The following PPFIA2 variants were observed in gnomAD, a reference collection of about 807,000 sequenced individuals.
PPFIA2 encodes the protein PPFI scaffold protein A2.
In PPFIA2, 46 loss-of-function variants were observed where a neutral mutation model predicts 175.5. The observed-to-expected ratio is 0.26, with a 90% CI of 0.21 to 0.34. PPFIA2 has a LOEUF of 0.34. Ranked by LOEUF, PPFIA2 falls within the 10% of genes least tolerant of loss-of-function variation. PPFIA2 has a pLI of 1.00. For synonymous variants in PPFIA2, 568 were observed against 511.4 expected, an observed-to-expected ratio of 1.11 and a Z score of -1.49; for missense variants, 1,179 against 1,506.1, an observed-to-expected ratio of 0.78 and a Z score of 3.60.
intron 16 of PPFIA2, 36 bp from the exon 17 acceptor site, chr12:81,353,375 A>T (rs2060344332): frequency 4.2e-6 from 6 of 1,427,696 alleles, no homozygotes; most frequent in Non-Finnish European, 5.9e-6. Flanking sequence ...AATATTTATC[A>T]TATTGCTCAT....
rs367739674 is a variant in PPFIA2, at chr12:81,353,281, C to T, written c.1832G>A (p.Ser611Asn). The T allele has an allele frequency of 9.9e-6, 16 of 1,613,644 alleles. No individual in the cohort carries two copies. Among genetic ancestry groups the T allele is most frequent in the Non-Finnish European group, 1.4e-5 (16 of 1,179,808 alleles). Residue 611 changes from serine to asparagine, a missense_variant, in exon 17 of 33, where the codon AGC becomes AAC. Physicochemically the swap from Ser to Asn is conservative, Grantham distance 46. Around this residue, in one of 10 missense-constraint regions of PPFIA2, gnomAD observed 186 missense variants for 163.6 expected, o/e 1.14. Coordinates refer to ENST00000549396, the MANE Select transcript of PPFIA2 (RefSeq NM_003625.5). ...TTCAGTGTCACTTTCAAAAGGGTGG[C>T]TGCTTAGTACTCCAATCTGTTGAGT... ...NRTQQIGVLS[S>N]HPFESDTEMS...
chr12:81,723,951 A>G (rs1215985229), intron 3 of PPFIA2, among the ~76,000 whole-genome samples: 1 of 150,940 alleles, frequency 6.6e-6, no homozygotes, highest in African/African-American at 2.4e-5. Flanking sequence ...TTTGAGATTG[A>G]AGTACATTTT....
chr12:81,673,876 T>G (rs1312401193), intron 4 of PPFIA2, among the ~76,000 whole-genome samples: 1 of 152,008 alleles, frequency 6.6e-6, no homozygotes, highest in Non-Finnish European at 1.5e-5. Context: ...GTGATTTTCT[T>G]TTTCTTTATT....
intron 4 of PPFIA2, among the ~76,000 whole-genome samples, chr12:81,492,895 T>C (rs117537084): frequency 0.092 from 13,936 of 152,088 alleles, 836 homozygotes; most frequent in Middle Eastern, 0.15. Context: ...TGGAAAAAGA[T>C]AAAGGTGACT....
chr12:81,708,465 A>G (rs2077493064), intron 3 of PPFIA2, among the ~76,000 whole-genome samples: 1 of 152,128 alleles, frequency 6.6e-6, no homozygotes, highest in Non-Finnish European at 1.5e-5. Context: ...TTCTTAAGTT[A>G]TTTTGAAAAA....
rs533063324 is a variant in PPFIA2 at position 81,416,213 on chromosome 12, G to T, written c.646-10310C>A. ...GAAAGAATTAATCCAGAGAATGAAAGCAAACACCAATTTCTAAACAGTTTT... is the reference window on the plus strand; with the variant it reads ...GAAAGAATTAATCCAGAGAATGAAATCAAACACCAATTTCTAAACAGTTTT... On this transcript the variant is annotated intron_variant, in intron 7 of 32. Transcript: ENST00000549396. Among the ~76,000 whole-genome samples the T allele has an allele frequency of 8.5e-4, 129 of 151,578 alleles. 1 individual carries two copies. Among genetic ancestry groups the T allele is most frequent in the Middle Eastern group, 3.4e-3 (1 of 294 alleles).
chr12:81,533,356 A>G (rs1264601858), intron 4 of PPFIA2, among the ~76,000 whole-genome samples: 1 of 151,676 alleles, frequency 6.6e-6, no homozygotes, highest in East Asian at 1.9e-4. Context: ...ATTTATGCAT[A>G]TATTTTTAAA....
chr12:81,590,122 T>C (rs2058502979), intron 4 of PPFIA2, among the ~76,000 whole-genome samples: 1 of 152,176 alleles, frequency 6.6e-6, no homozygotes. Flanking sequence ...TTCTCTCTCT[T>C]GGCTGGGAAA....
chr12:81,676,764 T>C, intron 4 of PPFIA2, 27 bp downstream of exon 4: 1 of 1,512,618 alleles, frequency 6.6e-7, no homozygotes, highest in Non-Finnish European at 9.0e-7. Flanking sequence ...TCATCAATAG[T>C]TAAATTTAAT....
intron 17 of PPFIA2, 134 bp downstream of exon 17, chr12:81,352,985 G>T: frequency 1.4e-6 from 1 of 696,374 alleles, no homozygotes; most frequent in Non-Finnish European, 2.4e-6. Context: ...CAGTGTGTAC[G>T]GGGTGAGGTC....
chr12:81,405,850 G>T lies in PPFIA2; in HGVS notation c.699C>A (p.Ser233Arg). ...GATGTTCTGACTCTGTGGATCCCTC[G>T]CTTGATGCCATTTTTCTTTGTATAT... Reference protein sequence around the residue: ...NVHIQRKMASSEGSTESEHLE... With the variant: ...NVHIQRKMASREGSTESEHLE... The change falls in exon 8 of 33, where the codon AGC becomes AGA. Residue 233 changes from serine to arginine, a missense_variant. Physicochemically the swap from Ser to Arg is moderately radical, Grantham distance 110. Around this residue, in one of 10 missense-constraint regions of PPFIA2, gnomAD observed 226 missense variants for 216.6 expected, o/e 1.04. Coordinates refer to ENST00000549396, the MANE Select transcript of PPFIA2 (RefSeq NM_003625.5). The T allele has an allele frequency of 2.5e-6, 4 of 1,580,890 alleles. No individual in the cohort carries two copies. The highest frequency in any genetic ancestry group is 3.4e-6 in the Non-Finnish European group (4 of 1,161,460).
rs146491152 is a variant in PPFIA2 at position 81,713,646 on chromosome 12, G to T, written c.250-36802C>A. ...CCCAATTCAATCACTCCTAGTTCTG[G>T]AAGTCCCAGTGTGCTAGTGGTGTCT... On this transcript the variant is annotated intron_variant, in intron 3 of 32. Coordinates refer to ENST00000549396, the MANE Select transcript of PPFIA2 (RefSeq NM_003625.5). 2.2e-3 allele frequency among the ~76,000 whole-genome samples: 335 copies of T among 151,130 alleles called. 2 individuals are homozygous for T. Among genetic ancestry groups the T allele is most frequent in the South Asian group, 8.5e-3 (41 of 4,802 alleles).
chr12:81,312,254 A>G, intron 22 of PPFIA2: 1 of 1,248,156 alleles, frequency 8.0e-7, no homozygotes, highest in Non-Finnish European at 1.1e-6. Context: ...AAACCATGGA[A>G]TAAAACAAGA....
At chr12:81,665,347 C>A (rs369779457) in intron 4 of PPFIA2, among the ~76,000 whole-genome samples, 1 of 151,900 alleles carries the variant, frequency 6.6e-6, no homozygotes, top group Non-Finnish European at 1.5e-5. Flanking sequence ...AATGATTAAA[C>A]AATATGTTAA....
At chr12:81,596,609 T>TATGGA (rs1156753578) in intron 4 of PPFIA2, among the ~76,000 whole-genome samples, 3 of 152,104 alleles carry the variant, frequency 2.0e-5, no homozygotes, top group Admixed American at 6.6e-5. Context: ...TGACCGAGCA[T>TATGGA]ATGGAATGAA....
At chr12:81,533,555 G>T (rs1214757950) in intron 4 of PPFIA2, among the ~76,000 whole-genome samples, 2 of 151,430 alleles carry the variant, frequency 1.3e-5, no homozygotes, top group Non-Finnish European at 3.0e-5. Context: ...ATTTTGGGGG[G>T]CAGAAACTGA....
chr12:81,614,801 G>A (rs1293512677), intron 4 of PPFIA2, among the ~76,000 whole-genome samples: 1 of 151,996 alleles, frequency 6.6e-6, no homozygotes, highest in African/African-American at 2.4e-5. Context: ...AAATATTCTA[G>A]TAAATCTTCT....
At chr12:81,369,327 C>A (rs1036988124) in intron 11 of PPFIA2, 133 bp from the exon 12 acceptor site, 2 of 1,507,030 alleles carry the variant, frequency 1.3e-6, no homozygotes, top group African/African-American at 1.4e-5. Context: ...AAACTTTCTT[C>A]AAACAGGCAG....
intron 4 of PPFIA2, among the ~76,000 whole-genome samples, chr12:81,642,853 CAT>C (rs1346545562): frequency 7.3e-6 from 1 of 137,478 alleles, no homozygotes; most frequent in Non-Finnish European, 1.5e-5. Context: ...ACATATATAA[CAT>C]GTATTACATA....
Sources: allele counts gnomAD v4.1 joint callset (sites outside exome capture counted in the v4.1 genomes callset), GRCh38; gene constraint gnomAD v4.1.1; regional missense constraint gnomAD v4.1.1; transcripts MANE v1.5; gene names NCBI Gene and HGNC (gene_info 2026-07-23, HGNC 2026-07-21).